Variants in TEX11 observed in about 807,000 individuals in gnomAD.
The protein encoded by TEX11 is testis expressed 11, also known as testis-expressed protein 11.
Under a neutral mutation model 84.4 loss-of-function variants are expected in TEX11, and 7 were observed. The ratio of observed to expected loss-of-function variants is 0.08; its 90% CI spans 0.05 to 0.16. The LOEUF (loss-of-function observed/expected upper bound fraction) is 0.16. Among genes scored for constraint, TEX11 ranks in the 10% least tolerant of loss-of-function variants. The probability of loss-of-function intolerance (pLI) is 1.00; values close to 1 mark genes in which losing one functional copy is unlikely to be tolerated. For synonymous variants in TEX11, 264 were observed against 222.8 expected (o/e 1.18, Z -1.64); for missense variants, 551 against 660.5 (o/e 0.83, Z 1.82).
chrX:70,714,575 T>A (rs1051555456), intron 13 of TEX11, among the ~76,000 whole-genome samples: 6 of 111,865 alleles, frequency 5.4e-5, no homozygotes, highest in African/African-American at 1.9e-4. Flanking sequence ...TTGATCTTTG[T>A]TGGTTTAAAG....
intron 16 of TEX11, among the ~76,000 whole-genome samples, chrX:70,667,699 G>A (rs956852078): frequency 9.0e-6 from 1 of 111,448 alleles, no homozygotes; most frequent in African/African-American, 3.3e-5. Flanking sequence ...AGGCCGAGGC[G>A]GGCAGATCAT....
chrX:70,541,241 A>G (rs2088039800), intron 28 of TEX11, among the ~76,000 whole-genome samples: 1 of 111,661 alleles, frequency 9.0e-6, no homozygotes, highest in South Asian at 3.8e-4. Flanking sequence ...CTCAAAAGCT[A>G]TATACTGTTT....
At chrX:70,653,708 C>T (rs150360303) in intron 16 of TEX11, among the ~76,000 whole-genome samples, 2 of 111,411 alleles carry the variant, frequency 1.8e-5, no homozygotes, top group African/African-American at 6.5e-5. Context: ...TCAAATGTGT[C>T]AAAACTTATG....
At chrX:70,880,441 C>A (rs757430513) in intron 2 of TEX11, among the ~76,000 whole-genome samples, 18 of 111,058 alleles carry the variant, frequency 1.6e-4, no homozygotes, top group Non-Finnish European at 2.8e-4. Flanking sequence ...ACGTCTTTAG[C>A]CCTAGCTAGT....
intron 25 of TEX11, among the ~76,000 whole-genome samples, chrX:70,579,305 G>A (rs1243962134): frequency 1.9e-5 from 2 of 103,228 alleles, no homozygotes; most frequent in East Asian, 3.0e-4. Context: ...TGGCTAACAC[G>A]GTGAAACCCC....
At chrX:70,523,756 A>G in the TEX11 span, among the ~76,000 whole-genome samples, 3 of 99,202 alleles carry the variant, frequency 3.0e-5, no homozygotes, top group African/African-American at 1.2e-4. Flanking sequence ...GAGCCACTGC[A>G]CCTGGCCCCC....
intron 7 of TEX11, among the ~76,000 whole-genome samples, chrX:70,839,159 G>A (rs914439282): frequency 2.7e-5 from 3 of 112,055 alleles, no homozygotes; most frequent in East Asian, 2.8e-4. Flanking sequence ...CTCCCAGCAC[G>A]CAGCTTGAGA....
chrX:70,643,678 C>A (rs1325705690), intron 17 of TEX11, among the ~76,000 whole-genome samples: 1 of 105,290 alleles, frequency 9.5e-6, no homozygotes, highest in African/African-American at 3.5e-5. Flanking sequence ...GGAAAGGATT[C>A]CCTATTTAAT....
intron 13 of TEX11, among the ~76,000 whole-genome samples, chrX:70,713,090 C>A (rs9697866): frequency 9.0e-6 from 1 of 111,217 alleles, no homozygotes; most frequent in Non-Finnish European, 1.9e-5. Context: ...TGCTGGATTA[C>A]GTTTATTGAT....
At chrX:70,771,972 G>A (rs991302865) in intron 9 of TEX11, among the ~76,000 whole-genome samples, 7 of 111,865 alleles carry the variant, frequency 6.3e-5, no homozygotes, top group Non-Finnish European at 1.3e-4. Context: ...ATTAGCCTCA[G>A]TGCTAGATCA....
At chrX:70,770,560 A>G (rs2090966364) in intron 9 of TEX11, among the ~76,000 whole-genome samples, 1 of 110,943 alleles carries the variant, frequency 9.0e-6, no homozygotes, top group Admixed American at 9.6e-5. Flanking sequence ...CATGTACCCT[A>G]AAACTTAAAG....
intron 8 of TEX11, among the ~76,000 whole-genome samples, chrX:70,817,148 GA>G (rs1763880982): frequency 9.3e-6 from 1 of 107,628 alleles, no homozygotes; most frequent in South Asian, 4.0e-4. Flanking sequence ...AAATAATATA[GA>G]TAAATGTAAT....
intron 8 of TEX11, among the ~76,000 whole-genome samples, chrX:70,818,710 C>T (rs1235977141): frequency 9.0e-6 from 1 of 110,837 alleles, no homozygotes; most frequent in Non-Finnish European, 1.9e-5. Flanking sequence ...AGAACCACCA[C>T]ATATCCCTGG....
At chrX:70,841,821 T>G (rs2091446613) in intron 7 of TEX11, among the ~76,000 whole-genome samples, 1 of 111,258 alleles carries the variant, frequency 9.0e-6, no homozygotes, top group African/African-American at 3.3e-5. Context: ...CCCACAGAAA[T>G]ACAAACTACC....
chrX:70,598,859 T>C (rs1429921125), intron 24 of TEX11, among the ~76,000 whole-genome samples: 1 of 112,283 alleles, frequency 8.9e-6, no homozygotes, highest in Non-Finnish European at 1.9e-5. Context: ...GGCAAGCCTA[T>C]ATAGACAGAA....
chrX:70,675,814 G>A (rs2090066528), intron 15 of TEX11, among the ~76,000 whole-genome samples: 1 of 111,005 alleles, frequency 9.0e-6, no homozygotes, highest in African/African-American at 3.3e-5. Context: ...ATTTTTAGTA[G>A]AGACGGGGTT....
chrX:70,860,977 C>A, intron 4 of TEX11, 41 bp from the exon 5 acceptor site: 1 of 897,756 alleles, frequency 1.1e-6, no homozygotes, highest in South Asian at 2.3e-5. Context: ...ACAAAACATT[C>A]ATTCTCCTTT....
chrX:70,520,589 G>A, the TEX11 span, among the ~76,000 whole-genome samples: 4 of 112,614 alleles, frequency 3.6e-5, no homozygotes, highest in South Asian at 7.4e-4. Context: ...TAGGCTACAT[G>A]GGGCTCAGGG....
At chrX:70,814,333 C>T (rs1461882033) in intron 8 of TEX11, among the ~76,000 whole-genome samples, 2 of 111,645 alleles carry the variant, frequency 1.8e-5, no homozygotes, top group African/African-American at 3.3e-5. Context: ...ACAAACCTGA[C>T]AAAAACCAGT....
Sources: allele counts gnomAD v4.1 joint callset (sites outside exome capture counted in the v4.1 genomes callset), GRCh38; gene constraint gnomAD v4.1.1; transcripts MANE v1.5; gene names NCBI Gene and HGNC (gene_info 2026-07-23, HGNC 2026-07-21).